The following DOCK10 variants were observed in gnomAD, a reference collection of about 807,000 sequenced individuals.
DOCK10 encodes dedicator of cytokinesis protein 10.
Under a neutral mutation model 280.1 loss-of-function variants are expected in DOCK10, and 145 were observed. That is an observed-to-expected ratio of 0.52 (90% CI 0.45 to 0.59). The LOEUF (loss-of-function observed/expected upper bound fraction) is 0.59. Ranked by LOEUF, DOCK10 falls within the 20% of genes least tolerant of loss-of-function variation. DOCK10 has a pLI of 0.00. For synonymous variants in DOCK10, 915 were observed against 942.2 expected (o/e 0.97, Z 0.53); for missense variants, 2,368 against 2,651.7 (o/e 0.89, Z 2.35).
intron 1 of DOCK10, among the ~76,000 whole-genome samples, chr2:224,954,566 G>A (rs1018990082): frequency 1.3e-5 from 2 of 152,044 alleles, no homozygotes; most frequent in Non-Finnish European, 2.9e-5. Flanking sequence ...AATCTCTAAG[G>A]GACAAACATT....
intron 22 of DOCK10, among the ~76,000 whole-genome samples, chr2:224,843,386 A>G (rs1696105988): frequency 6.6e-6 from 1 of 152,148 alleles, no homozygotes; most frequent in Non-Finnish European, 1.5e-5. Context: ...GAAGCATGAG[A>G]AAGAGAAACT....
At chr2:224,787,849 C>T (rs1229019548) in intron 48 of DOCK10, among the ~76,000 whole-genome samples, 1 of 152,198 alleles carries the variant, frequency 6.6e-6, no homozygotes, top group Non-Finnish European at 1.5e-5. Context: ...GCTCCACAAT[C>T]AGGCACCAAC....
intron 1 of DOCK10, among the ~76,000 whole-genome samples, chr2:225,027,046 A>G (rs1254600962): frequency 6.6e-6 from 1 of 152,174 alleles, no homozygotes; most frequent in Non-Finnish European, 1.5e-5. Context: ...CCGTACATAG[A>G]GCACGTGGTT....
intron 13 of DOCK10, 29 bp downstream of exon 13, chr2:224,864,524 G>A (rs772364521): frequency 2.0e-6 from 3 of 1,514,856 alleles, no homozygotes; most frequent in South Asian, 2.6e-5. Context: ...AAAAAAGGAA[G>A]TGAAGTTATT....
At chr2:225,006,710 A>C (rs2126292074) in intron 1 of DOCK10, among the ~76,000 whole-genome samples, 1 of 152,362 alleles carries the variant, frequency 6.6e-6, no homozygotes, top group African/African-American at 2.4e-5. Context: ...AAATAAAAGG[A>C]GCAAGGAAGG....
At chr2:225,014,095 TTTG>T (rs1481637864) in intron 1 of DOCK10, among the ~76,000 whole-genome samples, 1,684 of 61,914 alleles carry the variant, frequency 0.027, 16 homozygotes, top group African/African-American at 0.039. Flanking sequence ...TTTTTTTTTT[TTTG>T]TTTTTTTTTT....
intron 31 of DOCK10, among the ~76,000 whole-genome samples, chr2:224,813,623 C>T (rs972296340): frequency 6.6e-6 from 1 of 152,212 alleles, no homozygotes; most frequent in Non-Finnish European, 1.5e-5. Context: ...TGCAGGACAA[C>T]CCGTAAGGGA....
intron 22 of DOCK10, among the ~76,000 whole-genome samples, chr2:224,843,082 G>C (rs1696080301): frequency 1.3e-5 from 2 of 152,180 alleles, no homozygotes; most frequent in Admixed American, 1.3e-4. Context: ...GGGGGTGGCG[G>C]GGAAAGGGGA....
chr2:224,949,885 A>C (rs35813535), intron 1 of DOCK10, among the ~76,000 whole-genome samples: 45,432 of 152,142 alleles, frequency 0.3, 7,350 homozygotes, highest in Middle Eastern at 0.36. Flanking sequence ...TATTAGTTAC[A>C]ACAAAGGCAA....
intron 30 of DOCK10, among the ~76,000 whole-genome samples, chr2:224,814,573 G>A (rs1694000304): frequency 6.6e-6 from 1 of 152,166 alleles, no homozygotes; most frequent in African/African-American, 2.4e-5. Context: ...TCAGGCTGGA[G>A]TGCAGTAGCA....
rs749668730 is a variant in DOCK10 at position 224,807,730 on chromosome 2, C to T, written c.3640G>A (p.Asp1214Asn). Residue 1214 changes from aspartate (D) to asparagine (N), a missense_variant, in exon 33 of 56, where the codon GAC becomes AAC. Physicochemically the swap from Asp to Asn is conservative, Grantham distance 23 (BLOSUM62 1). Around this residue, in one of 2 missense-constraint regions of DOCK10, gnomAD observed 1,159 missense variants for 1,400.8 expected, o/e 0.83. Transcript: ENST00000258390. Reference protein sequence around the residue: ...LYMPLYGMLLDNMPRIYLKDL... With the variant: ...LYMPLYGMLLNNMPRIYLKDL... ...TTCAGATAAATCCTTGGCATATTGT[C>T]CAGGAGCATGCCGTACAGGGGCATG... is the stretch of plus-strand genomic sequence containing the variant. 6.4e-7 allele frequency: 1 copy of T among 1,574,126 alleles called. No homozygotes were observed. The highest frequency in any genetic ancestry group is 1.2e-5 in the South Asian group (1 of 85,834).
intron 4 of DOCK10, among the ~76,000 whole-genome samples, chr2:224,892,952 T>C (rs528363498): frequency 6.6e-6 from 1 of 152,362 alleles, no homozygotes; most frequent in South Asian, 2.1e-4. Flanking sequence ...CCTGTGGCTA[T>C]TGACTTTAAA....
chr2:224,801,810 A>AG lies in DOCK10; in HGVS notation c.4393+105dup. The AG allele has an allele frequency of 3.4e-6, 4 of 1,185,594 alleles. No individual in the cohort carries two copies. The South Asian group carries it at 5.8e-5, about 17-fold the overall frequency. 73.4% of individuals were successfully genotyped at this position (1,185,594 alleles called of 1,614,324 possible). A position where few individuals can be genotyped will look rare whatever the true frequency, so the allele number is the denominator to read the frequency against. Reference sequence around the variant, plus strand: ...TCTTTCCCTTAAGAAATATTCCCAGAGGTACAGCAAACCTTAAAAACTGTG... The same window carrying AG: ...TCTTTCCCTTAAGAAATATTCCCAGAGGGTACAGCAAACCTTAAAAACTGTG... On this transcript the variant is annotated intron_variant, in intron 40 of 55. Coordinates refer to ENST00000258390, the MANE Select transcript of DOCK10 (RefSeq NM_014689.3).
chr2:224,770,746 A>G lies in DOCK10; in HGVS notation c.6205-101T>C. 2.5e-6 allele frequency: 2 copies of G among 792,344 alleles called. No individual in the cohort carries two copies. Among genetic ancestry groups the G allele is most frequent in the Non-Finnish European group, 4.3e-6 (2 of 465,978 alleles). The allele number at this position is 792,344 out of a possible 1,614,324, so 49.1% of individuals were successfully genotyped here. A position where few individuals can be genotyped will look rare whatever the true frequency, so the allele number is the denominator to read the frequency against. On this transcript the variant is annotated intron_variant, in intron 53 of 55. Coordinates refer to ENST00000258390, the MANE Select transcript of DOCK10 (RefSeq NM_014689.3). This position sits in a 1 kb window ranked among gnomAD's most constrained non-coding sequence, Gnocchi z 4.5. ...TGTGCACCAATGGTGTGGTACCCCC[A>G]TCTCACACCCTGCCTTCTAGTCCAC... is the stretch of plus-strand genomic sequence containing the variant.
intron 33 of DOCK10, 192 bp downstream of exon 33, chr2:224,807,476 G>A: frequency 2.1e-6 from 1 of 469,040 alleles, no homozygotes; most frequent in South Asian, 3.8e-5. Context: ...AAATGCTGAA[G>A]GGTGGATCAG....
chr2:224,942,406 C>T (rs1703146233), intron 1 of DOCK10, among the ~76,000 whole-genome samples: 1 of 152,244 alleles, frequency 6.6e-6, no homozygotes. Context: ...CCATTTCCAA[C>T]ATTCATTCCT....
chr2:224,934,667 G>C (rs1702585874), intron 1 of DOCK10, among the ~76,000 whole-genome samples: 1 of 152,174 alleles, frequency 6.6e-6, no homozygotes, highest in Non-Finnish European at 1.5e-5. Flanking sequence ...TCTCACTACT[G>C]CTCCTTGCAG....
chr2:224,939,965 T>G lies in DOCK10; in HGVS notation c.124-8297A>C, dbSNP rs531758176. On this transcript the variant is annotated intron_variant, in intron 1 of 55. Transcript: ENST00000258390. ...CACTCATCCTACTTTCTTTTAGTAC[T>G]AGCATTTTAATTTCCTTTTGGGGAC... Among the ~76,000 whole-genome samples the G allele has an allele frequency of 1.0e-3, 154 of 152,324 alleles. 2 individuals carry two copies. The highest frequency in any genetic ancestry group is 9.9e-3 in the Admixed American group (152 of 15,304).
At chr2:224,977,729 A>C (rs959323741) in intron 1 of DOCK10, among the ~76,000 whole-genome samples, 9 of 152,196 alleles carry the variant, frequency 5.9e-5, no homozygotes, top group African/African-American at 2.2e-4. Context: ...AGATGTCAGG[A>C]TTCATGTGTT....
Sources: gnomAD v4.1 joint callset for allele counts (sites outside exome capture counted in the v4.1 genomes callset) on GRCh38, gnomAD v4.1.1 for gene constraint, gnomAD v4.1.1 regional missense constraint, Gnocchi (gnomAD v3.1) non-coding constraint, MANE v1.5 for transcripts, NCBI Gene and HGNC (gene_info 2026-07-23, HGNC 2026-07-21) for gene names.